Variants in CEP128 observed in about 807,000 individuals in gnomAD.
CEP128 encodes the protein centrosomal protein 128, also known as centrosomal protein 128kDa.
A neutral mutation model predicts 156.7 loss-of-function variants in CEP128; 132 were observed. The ratio of observed to expected loss-of-function variants is 0.84; its 90% CI spans 0.73 to 0.97. The LOEUF is 0.97. Ranked by LOEUF, CEP128 falls within the 50% of genes least tolerant of loss-of-function variation. The pLI is 0.00. For missense variants in CEP128, 1,252 were observed against 1,281.9 expected (o/e 0.98, Z 0.36); for synonymous variants, 469 against 448.9 (o/e 1.04, Z -0.57).
At position 80,880,755 on chromosome 14, in the gene CEP128, C is replaced by T. The variant is rs1340810808; in HGVS notation, c.645+14963G>A. 6.7e-5 allele frequency among the ~76,000 whole-genome samples: 10 copies of T among 148,352 alleles called. No homozygotes were observed. The South Asian group carries it at 1.7e-3, about 25-fold the overall frequency. ...GTGGGCGCCTGTAGTCCCAGCTACT[C>T]GGGAGGCTGAGGCAGGAGAATGGCG... On this transcript the variant is annotated intron_variant, in intron 8 of 24. Coordinates refer to ENST00000555265, the MANE Select transcript of CEP128 (RefSeq NM_152446.5).
intron 7 of CEP128, among the ~76,000 whole-genome samples, chr14:80,897,555 T>C (rs1415782831): frequency 6.6e-6 from 1 of 152,192 alleles, no homozygotes; most frequent in African/African-American, 2.4e-5. Flanking sequence ...CAGTCTTCCA[T>C]ATCTCAGGAA....
At chr14:80,554,099 C>T (rs1220522780) in intron 21 of CEP128, among the ~76,000 whole-genome samples, 1 of 152,070 alleles carries the variant, frequency 6.6e-6, no homozygotes, top group East Asian at 1.9e-4. Flanking sequence ...GCTTCTTATT[C>T]ATTTATGGGG....
chr14:80,631,867 A>T (rs1020537158), intron 19 of CEP128, among the ~76,000 whole-genome samples: 1 of 152,088 alleles, frequency 6.6e-6, no homozygotes. Context: ...TTTATTTTCA[A>T]TAGTTAGAAT....
At chr14:80,503,680 T>C (rs1887840142) in intron 24 of CEP128, among the ~76,000 whole-genome samples, 1 of 152,164 alleles carries the variant, frequency 6.6e-6, no homozygotes, top group African/African-American at 2.4e-5. Flanking sequence ...TGGAGAAAGT[T>C]TTCCATTGCT....
chr14:80,570,204 G>A (rs974218190), intron 20 of CEP128, among the ~76,000 whole-genome samples: 9 of 152,152 alleles, frequency 5.9e-5, no homozygotes, highest in Non-Finnish European at 8.8e-5. Flanking sequence ...TGCAACCTCC[G>A]CCTCCTGGGT....
chr14:80,847,830 T>A (rs540120933), intron 9 of CEP128, among the ~76,000 whole-genome samples: 1 of 152,326 alleles, frequency 6.6e-6, no homozygotes, highest in East Asian at 1.9e-4. Flanking sequence ...AAAGGTGAGA[T>A]AGTATTTTAG....
At chr14:80,774,328 C>T (rs1264554718) in intron 16 of CEP128, among the ~76,000 whole-genome samples, 1 of 152,150 alleles carries the variant, frequency 6.6e-6, no homozygotes, top group African/African-American at 2.4e-5. Context: ...TCAGTAACAT[C>T]ACACATTGAT....
chr14:80,761,853 T>G (rs1899988318), intron 16 of CEP128, among the ~76,000 whole-genome samples: 2 of 152,156 alleles, frequency 1.3e-5, no homozygotes, highest in African/African-American at 4.8e-5. Flanking sequence ...AAAATTATAA[T>G]AAGTCCCTAA....
chr14:80,519,804 A>T (rs1345608566), intron 23 of CEP128, among the ~76,000 whole-genome samples: 1 of 151,404 alleles, frequency 6.6e-6, no homozygotes, highest in African/African-American at 2.4e-5. Context: ...CTACCCATCC[A>T]AATACTCCAC....
intron 3 of CEP128, among the ~76,000 whole-genome samples, chr14:80,915,007 CA>C (rs1884462210): frequency 2.0e-5 from 3 of 152,134 alleles, no homozygotes; most frequent in Non-Finnish European, 2.9e-5. Flanking sequence ...TACAAAATTC[CA>C]TTGTTATCTT....
At chr14:80,722,821 C>CTTTTTTT (rs142796338) in intron 19 of CEP128, among the ~76,000 whole-genome samples, 1 of 103,972 alleles carries the variant, frequency 9.6e-6, no homozygotes, top group Admixed American at 1.1e-4. Flanking sequence ...TACTCTTTAT[C>CTTTTTTT]TTTTTTTTTT....
intron 8 of CEP128, among the ~76,000 whole-genome samples, chr14:80,874,968 TATAAGA>T (rs1252885319): frequency 6.6e-6 from 1 of 152,084 alleles, no homozygotes; most frequent in African/African-American, 2.4e-5. Context: ...AATAAGGAAA[TATAAGA>T]ATAACATGCA....
chr14:80,828,405 G>A (rs536589625), intron 13 of CEP128, among the ~76,000 whole-genome samples: 2 of 152,250 alleles, frequency 1.3e-5, no homozygotes, highest in African/African-American at 2.4e-5. Flanking sequence ...TTACAGGCGT[G>A]AGCCACTGTG....
At chr14:80,654,503 G>T (rs1895046102) in intron 19 of CEP128, among the ~76,000 whole-genome samples, 1 of 152,052 alleles carries the variant, frequency 6.6e-6, no homozygotes, top group African/African-American at 2.4e-5. Flanking sequence ...TTTCTGGCAG[G>T]GAAAAGAAAT....
At chr14:80,719,785 C>T (rs1158331970) in intron 19 of CEP128, among the ~76,000 whole-genome samples, 1 of 152,100 alleles carries the variant, frequency 6.6e-6, no homozygotes, top group Non-Finnish European at 1.5e-5. Context: ...GAAATCATGG[C>T]AATCCAGGAA....
intron 19 of CEP128, among the ~76,000 whole-genome samples, chr14:80,642,121 C>G (rs964593491): frequency 6.9e-6 from 1 of 144,304 alleles, no homozygotes; most frequent in African/African-American, 2.6e-5. Context: ...GACAGCCCTA[C>G]CTTAAACATA....
downstream of CEP128, among the ~76,000 whole-genome samples, chr14:80,495,221 C>A (rs1203130441): frequency 6.6e-6 from 1 of 152,166 alleles, no homozygotes; most frequent in African/African-American, 2.4e-5. Context: ...GCTACCCTGC[C>A]AAAGGGGTGA....
At chr14:80,814,468 C>T (rs1884734485) in intron 13 of CEP128, among the ~76,000 whole-genome samples, 1 of 141,186 alleles carries the variant, frequency 7.1e-6, no homozygotes, top group African/African-American at 2.7e-5. Context: ...CTAGCACAAT[C>T]CACCATTATT....
At chr14:80,647,194 G>A (rs993113660) in intron 19 of CEP128, among the ~76,000 whole-genome samples, 1 of 148,358 alleles carries the variant, frequency 6.7e-6, no homozygotes, top group Non-Finnish European at 1.5e-5. Context: ...TGCTTATGTC[G>A]CCACCTCTTA....
Sources: allele counts gnomAD v4.1 joint callset (sites outside exome capture counted in the v4.1 genomes callset), GRCh38; gene constraint gnomAD v4.1.1; transcripts MANE v1.5; gene names NCBI Gene and HGNC (gene_info 2026-07-23, HGNC 2026-07-21).